The following SHISA6 variants were observed in gnomAD, a reference collection of about 807,000 sequenced individuals.
SHISA6 encodes the protein shisa family member 6, also known as protein shisa-6.
SHISA6 carries 22 observed loss-of-function variants against 47.9 expected under a neutral mutation model. The ratio of observed to expected loss-of-function variants is 0.46; its 90% CI spans 0.33 to 0.66. The LOEUF (loss-of-function observed/expected upper bound fraction) is 0.66. SHISA6 is among the 30% of genes least tolerant of loss of function. The probability of loss-of-function intolerance (pLI) is 0.02; values close to 1 mark genes in which losing one functional copy is unlikely to be tolerated. For missense variants in SHISA6, 680 were observed against 764.6 expected, an observed-to-expected ratio of 0.89 and a Z score of 1.30; for synonymous variants, 388 against 337.8, an observed-to-expected ratio of 1.15 and a Z score of -1.63.
chr17:11,259,807 A>G (rs1263112004), intron 1 of SHISA6, among the ~76,000 whole-genome samples: 1 of 152,258 alleles, frequency 6.6e-6, no homozygotes, highest in Non-Finnish European at 1.5e-5. Context: ...AGGAAGACTC[A>G]TTAAAGCTGA....
chr17:11,259,096 A>G (rs2142143035), intron 1 of SHISA6, among the ~76,000 whole-genome samples: 1 of 152,016 alleles, frequency 6.6e-6, no homozygotes, highest in East Asian at 1.9e-4. Flanking sequence ...GGAGATGGAT[A>G]TAATTTTGGA....
chr17:11,514,138 C>T (rs1235937362), intron 3 of SHISA6, among the ~76,000 whole-genome samples: 2 of 152,162 alleles, frequency 1.3e-5, no homozygotes, highest in African/African-American at 2.4e-5. Flanking sequence ...CTCTCCTCTT[C>T]GTGGACGGCC....
At position 11,423,889 on chromosome 17, in the gene SHISA6, A is replaced by G. The variant is rs191135597; in HGVS notation, c.895+44380A>G. Among the ~76,000 whole-genome samples, 685 of 152,322 alleles carry G rather than the reference A, an allele frequency of 4.5e-3. 10 individuals carry two copies. Among genetic ancestry groups the G allele is most frequent in the African/African-American group, 0.015 (621 of 41,580 alleles). On this transcript the variant is annotated intron_variant, in intron 3 of 5. Transcript: ENST00000441885. ...AAAGAACCAAATACAACATCTAGAC[A>G]TGGGAAAAGTAGTAAATAAAATTAA...
At chr17:11,459,047 T>C (rs1474105424) in intron 3 of SHISA6, among the ~76,000 whole-genome samples, 2 of 145,506 alleles carry the variant, frequency 1.4e-5, no homozygotes, top group Non-Finnish European at 3.0e-5. Flanking sequence ...CCGTCTCTAC[T>C]AAAAAAAAAA....
intron 3 of SHISA6, among the ~76,000 whole-genome samples, chr17:11,393,415 A>C (rs1417095264): frequency 6.6e-6 from 1 of 152,108 alleles, no homozygotes; most frequent in Non-Finnish European, 1.5e-5. Flanking sequence ...GGTCTCCTCC[A>C]TGCAGTTCCA....
At chr17:11,395,718 A>T (rs567478273) in intron 3 of SHISA6, among the ~76,000 whole-genome samples, 1 of 151,992 alleles carries the variant, frequency 6.6e-6, no homozygotes, top group East Asian at 1.9e-4. Context: ...GGGTTTCACC[A>T]TGTTGGCCAC....
At chr17:11,501,079 AG>A (rs149625177) in intron 3 of SHISA6, among the ~76,000 whole-genome samples, 4,871 of 152,108 alleles carry the variant, frequency 0.032, 267 homozygotes, top group African/African-American at 0.11. Context: ...TTCAGAGGCC[AG>A]GTGCTTAATT....
intron 2 of SHISA6, among the ~76,000 whole-genome samples, chr17:11,376,895 C>T (rs551272281): frequency 1.3e-5 from 2 of 152,276 alleles, no homozygotes; most frequent in South Asian, 2.1e-4. Context: ...CGGGACCCTG[C>T]GATCTGTGCC....
Position 11,517,741 on chromosome 17 carries a change from C to T in SHISA6, c.896-34155C>T, listed in dbSNP as rs1382346548. Among the ~76,000 whole-genome samples, 4 of 152,186 alleles carry T rather than the reference C, an allele frequency of 2.6e-5. No individual in the cohort carries two copies. In the East Asian group the frequency reaches 7.8e-4, roughly 30 times the overall value. On this transcript the variant is annotated intron_variant, in intron 3 of 5. Coordinates refer to ENST00000441885, the MANE Select transcript of SHISA6 (RefSeq NM_207386.4). The stretch of plus-strand genomic sequence containing the variant: ...CTGGTCTTGAACTCCTGGGCTCAAG[C>T]AGTCCTCCCACCTCAGCCTCCCAAA...
At chr17:11,380,788 T>A (rs1912981474) in intron 3 of SHISA6, among the ~76,000 whole-genome samples, 2 of 152,322 alleles carry the variant, frequency 1.3e-5, no homozygotes, top group Middle Eastern at 6.8e-3. Flanking sequence ...CTGCCTCCTC[T>A]GAAGGCTTGA....
intron 3 of SHISA6, among the ~76,000 whole-genome samples, chr17:11,437,769 T>G (rs1183947045): frequency 6.6e-6 from 1 of 152,216 alleles, no homozygotes; most frequent in African/African-American, 2.4e-5. Flanking sequence ...CCATTGCATG[T>G]GTCCCAATGC....
At chr17:11,501,805 C>T (rs2142347531) in intron 3 of SHISA6, among the ~76,000 whole-genome samples, 1 of 152,082 alleles carries the variant, frequency 6.6e-6, no homozygotes, top group African/African-American at 2.4e-5. Context: ...GCCAGTGGTA[C>T]CCTGCCTGCA....
At chr17:11,518,400 G>C (rs1030089502) in intron 3 of SHISA6, among the ~76,000 whole-genome samples, 1 of 152,054 alleles carries the variant, frequency 6.6e-6, no homozygotes, top group African/African-American at 2.4e-5. Flanking sequence ...TGTTTAAAAG[G>C]CTGGGGACAG....
intron 2 of SHISA6, among the ~76,000 whole-genome samples, chr17:11,320,423 C>T (rs945106684): frequency 6.6e-6 from 1 of 151,806 alleles, no homozygotes; most frequent in African/African-American, 2.4e-5. Context: ...ACTTTAGGAG[C>T]CTGAGGCAGG....
intron 2 of SHISA6, among the ~76,000 whole-genome samples, chr17:11,375,826 G>A (rs1912780508): frequency 6.6e-6 from 1 of 152,172 alleles, no homozygotes; most frequent in South Asian, 2.1e-4. Context: ...TTGCTTTAGG[G>A]AGGGTTGTCA....
chr17:11,377,644 TCTTCGGAG>T (rs1390499020), intron 2 of SHISA6, among the ~76,000 whole-genome samples: 2 of 152,200 alleles, frequency 1.3e-5, no homozygotes, highest in African/African-American at 4.8e-5. Context: ...TAGACTCCAC[TCTTCGGAG>T]GAAGAATGCT....
At chr17:11,514,353 A>G (rs892004251) in intron 3 of SHISA6, among the ~76,000 whole-genome samples, 1 of 152,200 alleles carries the variant, frequency 6.6e-6, no homozygotes, top group Non-Finnish European at 1.5e-5. Context: ...GGTATTGGGC[A>G]TAAGGCTTGG....
chr17:11,316,399 C>A, intron 2 of SHISA6, among the ~76,000 whole-genome samples: 1 of 86,044 alleles, frequency 1.2e-5, no homozygotes, highest in African/African-American at 5.3e-5. Context: ...TTCTCTCTGT[C>A]TCTCTCTCTC....
chr17:11,466,092 G>A (rs1338135606), intron 3 of SHISA6, among the ~76,000 whole-genome samples: 4 of 152,268 alleles, frequency 2.6e-5, no homozygotes, highest in African/African-American at 9.6e-5. Context: ...ACAGTCTACA[G>A]GCCTGAACTA....
Sources: allele counts gnomAD v4.1 joint callset (sites outside exome capture counted in the v4.1 genomes callset), GRCh38; gene constraint gnomAD v4.1.1; transcripts MANE v1.5; gene names NCBI Gene and HGNC (gene_info 2026-07-23, HGNC 2026-07-21).